Variants in SHTN1 observed in about 807,000 individuals in gnomAD.
SHTN1 encodes shootin-1.
A neutral mutation model predicts 83.1 loss-of-function variants in SHTN1; 42 were observed. The ratio of observed to expected loss-of-function variants is 0.51; its 90% CI spans 0.39 to 0.65. The LOEUF (loss-of-function observed/expected upper bound fraction) is 0.65. SHTN1 is among the 30% of genes least tolerant of loss of function. The probability of loss-of-function intolerance (pLI) is 0.00; values close to 1 mark genes in which losing one functional copy is unlikely to be tolerated. For synonymous variants in SHTN1, 224 were observed against 247.7 expected, an observed-to-expected ratio of 0.90 and a Z score of 0.90; for missense variants, 622 against 737.8, an observed-to-expected ratio of 0.84 and a Z score of 1.82.
At chr10:116,929,823 C>A in intron 10 of SHTN1, 26 bp downstream of exon 10, 1 of 1,549,524 alleles carries the variant, frequency 6.5e-7, no homozygotes, top group South Asian at 1.2e-5. Context: ...AATAGTAAGA[C>A]ATAGTAGCCT....
chr10:116,936,952 T>G (rs1849189768), intron 9 of SHTN1, among the ~76,000 whole-genome samples: 1 of 152,148 alleles, frequency 6.6e-6, no homozygotes, highest in Non-Finnish European at 1.5e-5. Context: ...TTGTTGGTTT[T>G]AAGTCTGTTT....
In SHTN1 at chr10:116,940,495, C is replaced by T. The variant is rs1423119929; in HGVS notation, c.829G>A (p.Glu277Lys). ...TGTTGATGCTGAATTCTCTCTTCTT[C>T]AAGTTGCTGGGTGAGTTTTGCATTT... The part of the protein sequence containing the change: ...DENAKLTQQL[E>K]EERIQHQQKV... Residue 277 changes from glutamate to lysine, a missense_variant, in exon 9 of 17, where the codon GAA becomes AAA. This residue lies in a region of SHTN1 where 383 missense variants were observed against 455.8 expected (regional missense o/e 0.84). Transcript: ENST00000355371. The T allele has an allele frequency of 3.1e-6, 5 of 1,613,912 alleles. No homozygotes were observed.
At chr10:117,113,527 G>A (rs1359357871) in intron 1 of SHTN1, among the ~76,000 whole-genome samples, 1 of 151,756 alleles carries the variant, frequency 6.6e-6, no homozygotes, top group African/African-American at 2.4e-5. Flanking sequence ...ATCCAAAAGG[G>A]CTTGCTTTGA....
intron 1 of SHTN1, among the ~76,000 whole-genome samples, chr10:117,060,787 A>G (rs74159023): frequency 0.021 from 3,136 of 152,354 alleles, 118 homozygotes; most frequent in African/African-American, 0.071. Flanking sequence ...TAGTTCATTC[A>G]GGAATTAATG....
chr10:117,115,611 A>C (rs905975756), intron 1 of SHTN1, among the ~76,000 whole-genome samples: 7 of 152,202 alleles, frequency 4.6e-5, no homozygotes, highest in African/African-American at 1.7e-4. Context: ...ACAGATAAAG[A>C]AGTCTCTCCT....
Position 116,976,296 on chromosome 10 carries a change from C to A in SHTN1, c.111+2960G>T, listed in dbSNP as rs747593851. Among the ~76,000 whole-genome samples the A allele has an allele frequency of 2.0e-5, 3 of 152,298 alleles. 1 individual carries two copies. In the East Asian group the frequency reaches 5.8e-4, roughly 29 times the overall value. On this transcript the variant is annotated intron_variant, in intron 2 of 16. Coordinates refer to ENST00000355371, the MANE Select transcript of SHTN1 (RefSeq NM_001127211.3). ...CACCATGTCAGACCACTTGTCTCAA[C>A]GCAAGAGAGTCCAAACAGGGCAGGA... is the stretch of plus-strand genomic sequence containing the variant.
intron 2 of SHTN1, among the ~76,000 whole-genome samples, chr10:117,043,066 CAA>C (rs1453287698): frequency 2.0e-5 from 3 of 151,926 alleles, no homozygotes; most frequent in African/African-American, 7.2e-5. Flanking sequence ...TATATTTTTT[CAA>C]ACTTATTTTA....
chr10:116,952,975 C>T (rs1431565001), intron 5 of SHTN1, among the ~76,000 whole-genome samples: 1 of 152,110 alleles, frequency 6.6e-6, no homozygotes, highest in Non-Finnish European at 1.5e-5. Flanking sequence ...GAATAATGAG[C>T]AAAGGGAACT....
intron 1 of SHTN1, among the ~76,000 whole-genome samples, chr10:116,996,442 C>A (rs1194868940): frequency 6.6e-6 from 1 of 152,120 alleles, no homozygotes. Context: ...TAAGAGAAAT[C>A]ACCACAACAG....
Position 116,932,868 on chromosome 10 carries a change from C to T in SHTN1, c.859-2866G>A, listed in dbSNP as rs566990846. On this transcript the variant is annotated intron_variant, in intron 9 of 16. Coordinates refer to ENST00000355371, the MANE Select transcript of SHTN1 (RefSeq NM_001127211.3). The stretch of plus-strand genomic sequence containing the variant: ...CAAGGTATATATACAACAATTTAGT[C>T]CTATACCTCAGCTCAATTCAGTAGG... 3.3e-5 allele frequency among the ~76,000 whole-genome samples: 5 copies of T among 152,216 alleles called. No homozygotes were observed. In the East Asian group the frequency reaches 9.7e-4, roughly 29 times the overall value.
chr10:116,884,136 A>G lies in SHTN1; in HGVS notation c.*2208T>C, dbSNP rs570819223. On this transcript the variant is annotated 3_prime_UTR_variant, in exon 17 of 17. Transcript: ENST00000355371. ...AAACATAAAGATGCAGTCTTTTCCAACTTAAAATTGTGTAAGCAGGACGTA... is the reference window on the plus strand; with the variant it reads ...AAACATAAAGATGCAGTCTTTTCCAGCTTAAAATTGTGTAAGCAGGACGTA... The G allele has an allele frequency of 4.6e-6, 2 of 437,738 alleles. No individual in the cohort carries two copies. Among genetic ancestry groups the G allele is most frequent in the East Asian group, 7.2e-5 (1 of 13,824 alleles). 27.1% of individuals were successfully genotyped at this position (437,738 alleles called of 1,614,324 possible).
At chr10:116,907,548 TATG>T (rs1848021710) in intron 14 of SHTN1, among the ~76,000 whole-genome samples, 1 of 152,216 alleles carries the variant, frequency 6.6e-6, no homozygotes, top group African/African-American at 2.4e-5. Context: ...GAGTGAGAGC[TATG>T]GTTTTCCATC....
At chr10:117,105,169 G>A (rs940125931) in intron 1 of SHTN1, among the ~76,000 whole-genome samples, 1 of 152,104 alleles carries the variant, frequency 6.6e-6, no homozygotes, top group Non-Finnish European at 1.5e-5. Flanking sequence ...GTGACTTTAT[G>A]TGAACATACC....
chr10:116,900,569 T>G, intron 16 of SHTN1: 4 of 1,534,734 alleles, frequency 2.6e-6, no homozygotes, highest in Non-Finnish European at 3.5e-6. Flanking sequence ...GAGAAAAATC[T>G]ATACACACAC....
At chr10:117,109,435 G>T (rs1249226460) in intron 1 of SHTN1, among the ~76,000 whole-genome samples, 6 of 151,906 alleles carry the variant, frequency 3.9e-5, no homozygotes, top group Admixed American at 2.6e-4. Flanking sequence ...TTTCAGATTG[G>T]AAGGAAATAC....
chr10:116,974,424 G>A (rs1850720098), intron 2 of SHTN1, among the ~76,000 whole-genome samples: 1 of 152,026 alleles, frequency 6.6e-6, no homozygotes, highest in Admixed American at 6.5e-5. Flanking sequence ...AAAATACTTT[G>A]AGACCTTCAT....
intron 2 of SHTN1, among the ~76,000 whole-genome samples, chr10:117,044,684 G>A (rs1178184439): frequency 6.6e-6 from 1 of 152,028 alleles, no homozygotes; most frequent in Non-Finnish European, 1.5e-5. Flanking sequence ...GGAAACATCA[G>A]AATTAAAAAA....
chr10:117,017,174 C>A (rs1406882939), intron 2 of SHTN1, among the ~76,000 whole-genome samples: 3 of 152,058 alleles, frequency 2.0e-5, no homozygotes, highest in Admixed American at 6.6e-5. Flanking sequence ...TCAACAGCTG[C>A]AGTTAGAAAA....
rs540762038 is a variant in SHTN1, at chr10:116,922,765, G to T, written c.1113-1249C>A. On this transcript the variant is annotated intron_variant, in intron 11 of 16. Transcript: ENST00000355371. Reference sequence around the variant, plus strand: ...AGATCACCTGAGGTCAGGAGTTCGAGACCAGCCTGGCCAACATGGCAAAAC... The same window carrying T: ...AGATCACCTGAGGTCAGGAGTTCGATACCAGCCTGGCCAACATGGCAAAAC... Among the ~76,000 whole-genome samples, 112 of 152,242 alleles carry T rather than the reference G, an allele frequency of 7.4e-4. 2 individuals carry two copies. In the South Asian group the frequency reaches 0.022, roughly 30 times the overall value.
Sources: allele counts gnomAD v4.1 joint callset (sites outside exome capture counted in the v4.1 genomes callset), GRCh38; gene constraint gnomAD v4.1.1; regional missense constraint gnomAD v4.1.1; transcripts MANE v1.5; gene names NCBI Gene and HGNC (gene_info 2026-07-23, HGNC 2026-07-21).